Variants in SLBP observed in about 807,000 individuals in gnomAD.
SLBP encodes histone RNA hairpin-binding protein.
A neutral mutation model predicts 39.2 loss-of-function variants in SLBP; 29 were observed. That is an observed-to-expected ratio of 0.74 (90% confidence interval 0.55 to 1.01). The LOEUF (loss-of-function observed/expected upper bound fraction) is 1.01, where lower values mean the gene tolerates loss of function less well. Ranked by LOEUF, SLBP falls within the 50% of genes least tolerant of loss-of-function variation. The pLI, the probability that SLBP is intolerant of heterozygous loss-of-function variation, is 0.00. For synonymous variants in SLBP, 129 were observed against 118.7 expected (o/e 1.09, Z -0.57); for missense variants, 390 against 350.2 (o/e 1.11, Z -0.91).
At chr4:1,710,200 TATC>T (rs1319411438) in intron 2 of SLBP, among the ~76,000 whole-genome samples, 1 of 152,216 alleles carries the variant, frequency 6.6e-6, no homozygotes, top group Non-Finnish European at 1.5e-5. Context: ...AGTCTCTAAA[TATC>T]ATCTCTATGT....
chr4:1,711,943 T>C lies in SLBP; in HGVS notation c.107A>G (p.Asp36Gly). 2.2e-6 allele frequency: 3 copies of C among 1,343,866 alleles called. No homozygotes were observed. Among genetic ancestry groups the C allele is most frequent in the Non-Finnish European group, 9.5e-7 (1 of 1,048,920 alleles). The allele number at this position is 1,343,866 out of a possible 1,614,324, so 83.2% of individuals were successfully genotyped here. A position where few individuals can be genotyped will look rare whatever the true frequency, so the allele number is the denominator to read the frequency against. ...RWSLGRKRRA[D>G]GRRWRPEDAE... ...GTCTTCGGGCCTCCAGCGCCTGCCGTCGGCTCTGCGCTTCCGTCCCAGGCT... is the reference window on the plus strand; with the variant it reads ...GTCTTCGGGCCTCCAGCGCCTGCCGCCGGCTCTGCGCTTCCGTCCCAGGCT... Residue 36 changes from aspartate (D) to glycine (G), a missense_variant, in exon 2 of 8, where the codon GAC (aspartate) becomes GGC (glycine). Physicochemically the swap from Asp to Gly is moderately conservative, Grantham distance 94. Coordinates refer to ENST00000489418, the MANE Select transcript of SLBP (RefSeq NM_006527.4).
rs193192831 is a variant in SLBP, at chr4:1,707,404, G to A, written c.177-3704C>T. ...GCCTATAATCCCAGCTACTCGGGAG[G>A]CTAAGGCAGGAGAATCACTTGAACC... On this transcript the variant is annotated intron_variant, in intron 2 of 7. Coordinates refer to ENST00000489418, the MANE Select transcript of SLBP (RefSeq NM_006527.4). Among the ~76,000 whole-genome samples, 18 of 151,328 alleles carry A rather than the reference G, an allele frequency of 1.2e-4. 1 individual carries two copies. Among genetic ancestry groups the A allele is most frequent in the East Asian group, 7.7e-4 (4 of 5,164 alleles).
intron 4 of SLBP, 140 bp from the exon 5 acceptor site, chr4:1,699,841 G>T: frequency 1.1e-6 from 1 of 872,948 alleles, no homozygotes; most frequent in Non-Finnish European, 1.8e-6. Flanking sequence ...ATAGTCCGGA[G>T]ACTGCATGTA....
intron 5 of SLBP, among the ~76,000 whole-genome samples, chr4:1,697,101 T>G (rs897367141): frequency 7.6e-6 from 1 of 131,952 alleles, no homozygotes; most frequent in African/African-American, 2.9e-5. Flanking sequence ...ATGGTTGCAA[T>G]GAGCCTAGAT....
intron 2 of SLBP, among the ~76,000 whole-genome samples, chr4:1,710,406 C>T (rs1032492941): frequency 6.6e-6 from 1 of 152,226 alleles, no homozygotes; most frequent in African/African-American, 2.4e-5. Flanking sequence ...AGGCTTGAGT[C>T]ATTCTTGATG....
At chr4:1,702,130 G>A (rs1459220507) in intron 3 of SLBP, among the ~76,000 whole-genome samples, 1 of 152,208 alleles carries the variant, frequency 6.6e-6, no homozygotes, top group Non-Finnish European at 1.5e-5. Flanking sequence ...ACTTGAGGGA[G>A]CAACTAGGCT....
At chr4:1,693,839 T>A in intron 7 of SLBP, 126 bp from the exon 8 acceptor site, 1 of 667,578 alleles carries the variant, frequency 1.5e-6, no homozygotes. Flanking sequence ...ACACTTCACG[T>A]GCAACTGAGA....
At chr4:1,702,375 A>G (rs575626944) in intron 3 of SLBP, among the ~76,000 whole-genome samples, 19 of 152,356 alleles carry the variant, frequency 1.2e-4, no homozygotes, top group Non-Finnish European at 2.4e-4. Flanking sequence ...CAAATGTTCA[A>G]TAACCAATTC....
intron 2 of SLBP, among the ~76,000 whole-genome samples, chr4:1,706,286 A>G (rs1560256580): frequency 6.6e-6 from 1 of 152,164 alleles, no homozygotes; most frequent in Non-Finnish European, 1.5e-5. Context: ...GTCTCAGAAA[A>G]TAAATAAAAT....
At chr4:1,696,896 C>G (rs62285065) in intron 5 of SLBP, among the ~76,000 whole-genome samples, 5 of 147,314 alleles carry the variant, frequency 3.4e-5, no homozygotes, top group Admixed American at 2.0e-4. Flanking sequence ...GACTTCACCT[C>G]CAAAAAAAAA....
intron 2 of SLBP, among the ~76,000 whole-genome samples, chr4:1,711,396 C>A (rs146922765): frequency 1.1e-4 from 17 of 152,152 alleles, no homozygotes; most frequent in African/African-American, 3.6e-4. Flanking sequence ...ACTACGACCA[C>A]TGGCACCCCT....
chr4:1,712,311 A>ACGAGCTCTGCGCGCCCCGCCCC lies in SLBP; in HGVS notation c.-124_-123insGGGGCGGGGCGCGCAGAGCTCG. The ACGAGCTCTGCGCGCCCCGCCCC allele has an allele frequency of 1.8e-6, 1 of 554,664 alleles. No homozygotes were observed. The highest frequency in any genetic ancestry group is 3.2e-5 in the South Asian group (1 of 31,144). 34.4% of individuals were successfully genotyped at this position (554,664 alleles called of 1,614,324 possible). A position where few individuals can be genotyped will look rare whatever the true frequency, so the allele number is the denominator to read the frequency against. Reference sequence around the variant, plus strand: ...AACCCGCGTCCCCGCGCCGGCGCTCACGAGCTCTGCGCGCCCCGCCCCCAA... The same window carrying ACGAGCTCTGCGCGCCCCGCCCC: ...AACCCGCGTCCCCGCGCCGGCGCTCACGAGCTCTGCGCGCCCCGCCCCCGAGCTCTGCGCGCCCCGCCCCCAA... On this transcript the variant is annotated 5_prime_UTR_variant, in exon 1 of 8. Transcript: ENST00000489418.
intron 2 of SLBP, among the ~76,000 whole-genome samples, chr4:1,710,742 A>G (rs1716729150): frequency 6.6e-6 from 1 of 151,970 alleles, no homozygotes; most frequent in Non-Finnish European, 1.5e-5. Flanking sequence ...GTATCTGCTT[A>G]GAAAAAAAAA....
intron 5 of SLBP, 24 bp from the exon 6 acceptor site, chr4:1,696,375 C>A: frequency 6.7e-7 from 1 of 1,502,136 alleles, no homozygotes; most frequent in South Asian, 1.3e-5. Flanking sequence ...ATTATTCTAG[C>A]ACATGCCCAC....
At chr4:1,697,605 C>A (rs1448585486) in intron 5 of SLBP, among the ~76,000 whole-genome samples, 2 of 152,130 alleles carry the variant, frequency 1.3e-5, no homozygotes, top group Non-Finnish European at 1.5e-5. Context: ...CTTTGGGAGG[C>A]CGAGGCAGGC....
intron 5 of SLBP, among the ~76,000 whole-genome samples, chr4:1,698,339 A>C (rs1332999641): frequency 6.6e-6 from 1 of 151,714 alleles, no homozygotes; most frequent in Non-Finnish European, 1.5e-5. Context: ...GTCTCAAAAA[A>C]ATGAATACAC....
chr4:1,701,146 C>CTTT (rs369039404), intron 3 of SLBP, among the ~76,000 whole-genome samples: 14,293 of 123,552 alleles, frequency 0.12, 1,347 homozygotes, highest in Non-Finnish European at 0.17. Context: ...TCTTTTTTTT[C>CTTT]TTTTTTTTTT....
At chr4:1,703,043 C>G (rs894851519) in intron 3 of SLBP, among the ~76,000 whole-genome samples, 1 of 151,972 alleles carries the variant, frequency 6.6e-6, no homozygotes, top group African/African-American at 2.4e-5. Flanking sequence ...TCAAGACCAG[C>G]CTGACAAACA....
chr4:1,705,530 T>C (rs1716485196), intron 2 of SLBP, among the ~76,000 whole-genome samples: 1 of 152,218 alleles, frequency 6.6e-6, no homozygotes, highest in African/African-American at 2.4e-5. Flanking sequence ...TGTCTTTAGT[T>C]CTGAATTATC....
Sources: gnomAD v4.1 joint callset for allele counts (sites outside exome capture counted in the v4.1 genomes callset) on GRCh38, gnomAD v4.1.1 for gene constraint, MANE v1.5 for transcripts, NCBI Gene and HGNC (gene_info 2026-07-23, HGNC 2026-07-21) for gene names.